The following LRRTM4 variants were observed in gnomAD, a reference collection of about 807,000 sequenced individuals.
LRRTM4 encodes the protein leucine rich repeat transmembrane neuronal 4.
Under a neutral mutation model 47.6 loss-of-function variants are expected in LRRTM4, and 25 were observed. The ratio of observed to expected loss-of-function variants is 0.53; its 90% CI spans 0.38 to 0.73. LRRTM4 has a LOEUF of 0.73. Among genes scored for constraint, LRRTM4 ranks in the 30% least tolerant of loss-of-function variants. The pLI, the probability that LRRTM4 is intolerant of heterozygous loss-of-function variation, is 0.00. For synonymous variants in LRRTM4, 311 were observed against 269.5 expected (o/e 1.15, Z -1.51); for missense variants, 638 against 713.4 (o/e 0.89, Z 1.20).
chr2:77,437,130 A>G (rs1675631778), intron 3 of LRRTM4, among the ~76,000 whole-genome samples: 1 of 152,058 alleles, frequency 6.6e-6, no homozygotes, highest in East Asian at 1.9e-4. Flanking sequence ...TGACCTTTCA[A>G]TATTGGTCTG....
intron 3 of LRRTM4, among the ~76,000 whole-genome samples, chr2:76,837,809 C>T (rs1671559111): frequency 6.6e-6 from 1 of 151,982 alleles, no homozygotes; most frequent in African/African-American, 2.4e-5. Flanking sequence ...AATTGGAAAT[C>T]ATCATTCTCA....
chr2:76,843,718 T>C (rs933444232), intron 3 of LRRTM4, among the ~76,000 whole-genome samples: 4 of 152,038 alleles, frequency 2.6e-5, no homozygotes, highest in African/African-American at 9.7e-5. Context: ...TGGAGAAGGT[T>C]GAGGATGGGC....
chr2:77,193,186 T>C (rs2103883056), intron 3 of LRRTM4, among the ~76,000 whole-genome samples: 1 of 152,292 alleles, frequency 6.6e-6, no homozygotes, highest in African/African-American at 2.4e-5. Flanking sequence ...CTGTACAGGT[T>C]TGCAGCATAG....
chr2:77,305,948 A>G (rs1452270742), intron 3 of LRRTM4, among the ~76,000 whole-genome samples: 1 of 152,170 alleles, frequency 6.6e-6, no homozygotes, highest in Non-Finnish European at 1.5e-5. Flanking sequence ...ATTTTTATGT[A>G]TACACTGGAT....
intron 3 of LRRTM4, among the ~76,000 whole-genome samples, chr2:76,837,839 A>G (rs1404307850): frequency 6.6e-6 from 1 of 152,058 alleles, no homozygotes; most frequent in Non-Finnish European, 1.5e-5. Context: ...TGCAAGGACA[A>G]AAAACCAAAC....
intron 3 of LRRTM4, among the ~76,000 whole-genome samples, chr2:76,911,950 G>GGGGC (rs1674078612): frequency 2.4e-5 from 2 of 83,116 alleles, no homozygotes; most frequent in Non-Finnish European, 5.1e-5. Flanking sequence ...GGGGGGGGGG[G>GGGGC]ACAGAGTCTC....
intron 3 of LRRTM4, among the ~76,000 whole-genome samples, chr2:76,996,379 T>C (rs1407406235): frequency 6.6e-6 from 1 of 152,116 alleles, no homozygotes; most frequent in Non-Finnish European, 1.5e-5. Context: ...TCAATCTGCA[T>C]AATTTTGCTT....
intron 3 of LRRTM4, among the ~76,000 whole-genome samples, chr2:77,075,857 G>A (rs1680317967): frequency 2.3e-5 from 3 of 129,174 alleles, no homozygotes; most frequent in Non-Finnish European, 4.7e-5. Context: ...AGAGCTTGCA[G>A]TGAGCCGAGA....
intron 3 of LRRTM4, among the ~76,000 whole-genome samples, chr2:76,944,630 G>A (rs1675262863): frequency 6.6e-6 from 1 of 152,140 alleles, no homozygotes; most frequent in East Asian, 1.9e-4. Flanking sequence ...CTGGGGAGGG[G>A]CAGAAGGCAA....
intron 3 of LRRTM4, among the ~76,000 whole-genome samples, chr2:77,264,734 C>A (rs972840428): frequency 1.3e-5 from 2 of 151,990 alleles, no homozygotes; most frequent in African/African-American, 4.8e-5. Context: ...TAAATCTATT[C>A]AAACCAACCC....
At chr2:76,781,781 T>A (rs1317708639) in intron 3 of LRRTM4, among the ~76,000 whole-genome samples, 3 of 152,104 alleles carry the variant, frequency 2.0e-5, no homozygotes, top group Non-Finnish European at 4.4e-5. Context: ...ATTGATAAAT[T>A]TCCTTTGTGG....
At chr2:77,500,193 G>A (rs952603125) in intron 3 of LRRTM4, among the ~76,000 whole-genome samples, 41 of 151,682 alleles carry the variant, frequency 2.7e-4, no homozygotes, top group Admixed American at 2.5e-3. Flanking sequence ...CCCACAGTAA[G>A]GCTTTTCCTC....
rs60188707 is a variant in LRRTM4, at chr2:77,226,538, C to CATATATAT, written c.1551+291772_1551+291779dup. On this transcript the variant is annotated intron_variant, in intron 3 of 3. Transcript: ENST00000409884. Reference sequence around the variant, plus strand: ...TGCTTATTACAGAGCAAATTATATACATATATATATATATATATATATATA... The same window carrying CATATATAT: ...TGCTTATTACAGAGCAAATTATATACATATATATATATATATATATATATATATATATA... Among the ~76,000 whole-genome samples, 82 of 144,106 alleles carry CATATATAT rather than the reference C, an allele frequency of 5.7e-4. No homozygotes were observed. In the East Asian group the frequency reaches 6.3e-3, roughly 11 times the overall value. The allele number at this position is 144,106 out of a possible 152,430, so 94.5% of individuals were successfully genotyped here. A position where few individuals can be genotyped will look rare whatever the true frequency, so the allele number is the denominator to read the frequency against.
At chr2:77,071,599 A>T (rs1167141118) in intron 3 of LRRTM4, among the ~76,000 whole-genome samples, 3 of 152,184 alleles carry the variant, frequency 2.0e-5, no homozygotes, top group Non-Finnish European at 4.4e-5. Context: ...AGAAACGGAG[A>T]TTTATTCCTG....
intron 3 of LRRTM4, 57 bp downstream of exon 3, chr2:77,518,256 TTCAAA>T: frequency 6.8e-7 from 1 of 1,469,808 alleles, no homozygotes; most frequent in Non-Finnish European, 9.0e-7. Flanking sequence ...CCTCTAGGGC[TTCAAA>T]CATTTACCTC....
chr2:77,353,253 G>T (rs1671850716), intron 3 of LRRTM4, among the ~76,000 whole-genome samples: 1 of 151,980 alleles, frequency 6.6e-6, no homozygotes. Flanking sequence ...TTTCCCTTTT[G>T]ATTTGCACAA....
At chr2:77,160,350 C>G (rs953938980) in intron 3 of LRRTM4, among the ~76,000 whole-genome samples, 1 of 152,096 alleles carries the variant, frequency 6.6e-6, no homozygotes, top group African/African-American at 2.4e-5. Flanking sequence ...ACTTTCCATA[C>G]AATTTTGTGA....
rs184451328 is a variant in LRRTM4, at chr2:77,436,355, C to T, written c.1551+81963G>A. ...TAGAATCCTAAATACAGAAAATCAT[C>T]TGTCTTTGAATAGCAATGCTAAGGT... On this transcript the variant is annotated intron_variant, in intron 3 of 3. Coordinates refer to ENST00000409884, the MANE Select transcript of LRRTM4 (RefSeq NM_001134745.3). Among the ~76,000 whole-genome samples, 12 of 152,086 alleles carry T rather than the reference C, an allele frequency of 7.9e-5. No homozygotes were observed. The East Asian group carries it at 2.3e-3, about 29-fold the overall frequency.
chr2:76,839,655 G>A (rs1671614932), intron 3 of LRRTM4, among the ~76,000 whole-genome samples: 1 of 151,852 alleles, frequency 6.6e-6, no homozygotes, highest in African/African-American at 2.4e-5. Flanking sequence ...TTCAAACATA[G>A]CTTTTCCCAT....
Sources: gnomAD v4.1 joint callset for allele counts (sites outside exome capture counted in the v4.1 genomes callset) on GRCh38, gnomAD v4.1.1 for gene constraint, MANE v1.5 for transcripts, NCBI Gene and HGNC (gene_info 2026-07-23, HGNC 2026-07-21) for gene names.